EYA1: variants seen among roughly 807,000 people sequenced by gnomAD.
EYA1 encodes the protein EYA transcriptional coactivator and phosphatase 1.
In EYA1, 16 loss-of-function variants were observed where a neutral mutation model predicts 82.0. The ratio of observed to expected loss-of-function variants is 0.20; its 90% CI spans 0.13 to 0.30. EYA1 has a LOEUF of 0.30. EYA1 is among the 10% of genes least tolerant of loss of function. EYA1 has a pLI of 1.00. For synonymous variants in EYA1, 261 were observed against 264.4 expected (o/e 0.99, Z 0.12); for missense variants, 633 against 730.7 (o/e 0.87, Z 1.54).
chr8:71,268,228 G>A (rs1207100162), intron 11 of EYA1, among the ~76,000 whole-genome samples: 1 of 152,058 alleles, frequency 6.6e-6, no homozygotes, highest in Non-Finnish European at 1.5e-5. Flanking sequence ...AGACTTTCTG[G>A]GTGGTTTTCA....
At chr8:71,323,280 C>T (rs147152531) in intron 4 of EYA1, among the ~76,000 whole-genome samples, 135 of 151,864 alleles carry the variant, frequency 8.9e-4, no homozygotes, top group African/African-American at 3.2e-3. Flanking sequence ...TCCTTGGGGG[C>T]AATTATTATA....
chr8:71,476,607 A>C (rs757790950), intron 2 of EYA1, among the ~76,000 whole-genome samples: 2 of 152,090 alleles, frequency 1.3e-5, no homozygotes, highest in Non-Finnish European at 2.9e-5. Context: ...TTCCATGCTC[A>C]TGAAATGGAA....
intron 16 of EYA1, among the ~76,000 whole-genome samples, chr8:71,214,566 G>A (rs1808936879): frequency 6.6e-6 from 1 of 152,208 alleles, no homozygotes; most frequent in South Asian, 2.1e-4. Flanking sequence ...ATACAGCAAG[G>A]GGTCTGGACC....
rs565878925 is a variant in EYA1 at position 71,197,628 on chromosome 8, G to A, written c.*1712C>T. The A allele has an allele frequency of 2.0e-5, 3 of 152,708 alleles. No individual in the cohort carries two copies. The East Asian group carries it at 5.8e-4, about 29-fold the overall frequency. 9.5% of individuals were successfully genotyped at this position (152,708 alleles called of 1,614,324 possible). A position where few individuals can be genotyped will look rare whatever the true frequency, so the allele number is the denominator to read the frequency against. Reference sequence around the variant, plus strand: ...ACTGTTTGCTTCAAGCAAAAAGGAAGAAAAAACTAATTCAATTGTGAATTT... The same window carrying A: ...ACTGTTTGCTTCAAGCAAAAAGGAAAAAAAAACTAATTCAATTGTGAATTT... On this transcript the variant is annotated 3_prime_UTR_variant, in exon 18 of 18. Coordinates refer to ENST00000340726, the MANE Select transcript of EYA1 (RefSeq NM_000503.6).
chr8:71,211,391 T>C (rs1808490780), intron 16 of EYA1, 135 bp from the exon 17 acceptor site: 1 of 676,564 alleles, frequency 1.5e-6, no homozygotes, highest in African/African-American at 1.8e-5. Context: ...GAGGAATGCT[T>C]TTATGCCACT....
intron 9 of EYA1, among the ~76,000 whole-genome samples, chr8:71,277,484 C>T (rs1045838189): frequency 5.9e-5 from 9 of 152,096 alleles, no homozygotes; most frequent in African/African-American, 1.9e-4. Flanking sequence ...TTACCCTCTC[C>T]GCTGTCTGAG....
chr8:71,517,232 T>C (rs1311494769), intron 2 of EYA1, among the ~76,000 whole-genome samples: 1 of 152,000 alleles, frequency 6.6e-6, no homozygotes, highest in Non-Finnish European at 1.5e-5. Context: ...CAGAAACCCA[T>C]ATCCAAATTT....
At chr8:71,467,106 C>G (rs986843324) in intron 2 of EYA1, among the ~76,000 whole-genome samples, 86 of 152,000 alleles carry the variant, frequency 5.7e-4, no homozygotes, top group African/African-American at 2.0e-3. Flanking sequence ...TATGTTGGAG[C>G]TGAGTTCTTC....
chr8:71,271,077 T>G (rs1816473492), intron 10 of EYA1, among the ~76,000 whole-genome samples: 1 of 152,216 alleles, frequency 6.6e-6, no homozygotes, highest in Non-Finnish European at 1.5e-5. Flanking sequence ...GCCATTGCAC[T>G]CTACGCTGGG....
chr8:71,347,904 A>AC (rs1825908777), intron 3 of EYA1, among the ~76,000 whole-genome samples: 1 of 150,658 alleles, frequency 6.6e-6, no homozygotes, highest in Non-Finnish European at 1.5e-5. Context: ...AAAAAAAAAA[A>AC]AAACCCCAAA....
At chr8:71,426,712 T>G (rs1805260420) in intron 2 of EYA1, among the ~76,000 whole-genome samples, 1 of 152,250 alleles carries the variant, frequency 6.6e-6, no homozygotes. Flanking sequence ...TATCAAAGAT[T>G]GATGACTTAC....
chr8:71,442,216 T>G (rs990117686), intron 2 of EYA1, among the ~76,000 whole-genome samples: 3 of 152,222 alleles, frequency 2.0e-5, no homozygotes, highest in Admixed American at 6.5e-5. Context: ...TGCACTAAAC[T>G]CTTCACCCAT....
chr8:71,476,830 A>G lies in EYA1; in HGVS notation c.33+58914T>C, dbSNP rs373807460. ...AGACTTCCTGATTTCAAAATTTATT[A>G]CAAAGCCACAGTAATACAAAAAAGT... On this transcript the variant is annotated intron_variant, in intron 2 of 18. Transcript: ENST00000643681. Among the ~76,000 whole-genome samples the G allele has an allele frequency of 1.6e-4, 25 of 152,280 alleles. No individual in the cohort carries two copies. The South Asian group carries it at 2.1e-3, about 13-fold the overall frequency.
intron 2 of EYA1, among the ~76,000 whole-genome samples, chr8:71,456,741 T>C (rs1475100067): frequency 4.6e-5 from 7 of 152,150 alleles, no homozygotes; most frequent in African/African-American, 1.2e-4. Flanking sequence ...CTTCCTTATG[T>C]CTTATACAAA....
intron 9 of EYA1, among the ~76,000 whole-genome samples, chr8:71,295,900 T>A (rs893659288): frequency 3.9e-5 from 6 of 152,064 alleles, no homozygotes; most frequent in Non-Finnish European, 7.4e-5. Flanking sequence ...TTTAAAGACA[T>A]GGCTAGTTGA....
intron 2 of EYA1, among the ~76,000 whole-genome samples, chr8:71,373,399 G>C (rs1431627509): frequency 6.6e-6 from 1 of 152,004 alleles, no homozygotes; most frequent in Non-Finnish European, 1.5e-5. Context: ...GCATCAAAAA[G>C]AATGAAATGC....
intron 2 of EYA1, among the ~76,000 whole-genome samples, chr8:71,528,864 GA>G: frequency 1.3e-5 from 2 of 152,288 alleles, no homozygotes; most frequent in East Asian, 3.9e-4. Context: ...TTGGAAAGGC[GA>G]AAACAGCTTG....
At chr8:71,438,567 T>C (rs1159785996) in intron 2 of EYA1, among the ~76,000 whole-genome samples, 1 of 152,160 alleles carries the variant, frequency 6.6e-6, no homozygotes, top group Admixed American at 6.5e-5. Flanking sequence ...CAGAAACTGC[T>C]GTCAGGGTTG....
At chr8:71,532,127 C>T (rs1037108196) in intron 2 of EYA1, among the ~76,000 whole-genome samples, 2 of 152,034 alleles carry the variant, frequency 1.3e-5, no homozygotes, top group African/African-American at 4.8e-5. Context: ...AGCTATTTCC[C>T]CTCCCTCAAG....
Sources: gnomAD v4.1 joint callset for allele counts (sites outside exome capture counted in the v4.1 genomes callset) on GRCh38, gnomAD v4.1.1 for gene constraint, MANE v1.5 for transcripts, NCBI Gene and HGNC (gene_info 2026-07-23, HGNC 2026-07-21) for gene names.